Variants in PPP3CA observed in about 807,000 individuals in gnomAD.
The protein encoded by PPP3CA is protein phosphatase 3 catalytic subunit alpha, also known as CAM-PRP catalytic subunit.
In PPP3CA, 14 loss-of-function variants were observed where a neutral mutation model predicts 66.5. The ratio of observed to expected loss-of-function variants is 0.21; its 90% CI spans 0.14 to 0.33. The LOEUF (loss-of-function observed/expected upper bound fraction) is 0.33, where lower values mean the gene tolerates loss of function less well. Among genes scored for constraint, PPP3CA ranks in the 10% least tolerant of loss-of-function variants. The pLI is 1.00. For missense variants in PPP3CA, 317 were observed against 639.5 expected (o/e 0.50, Z 5.44); for synonymous variants, 232 against 226.2 (o/e 1.03, Z -0.23).
At chr4:101,206,907 A>G (rs1455969617) in intron 1 of PPP3CA, among the ~76,000 whole-genome samples, 1 of 152,226 alleles carries the variant, frequency 6.6e-6, no homozygotes, top group Non-Finnish European at 1.5e-5. Flanking sequence ...TAGTAAATGT[A>G]AATGTCTTTT....
At chr4:101,277,067 C>A (rs1727519275) in intron 1 of PPP3CA, among the ~76,000 whole-genome samples, 1 of 152,102 alleles carries the variant, frequency 6.6e-6, no homozygotes, top group Non-Finnish European at 1.5e-5. Flanking sequence ...CTCTTACTCC[C>A]CAGATCTACC....
intron 3 of PPP3CA, among the ~76,000 whole-genome samples, chr4:101,101,590 G>C (rs1049994000): frequency 6.6e-6 from 1 of 151,998 alleles, no homozygotes; most frequent in African/African-American, 2.4e-5. Flanking sequence ...ATATGCTGGG[G>C]GAGAGAATAC....
At chr4:101,153,486 C>T (rs1367252558) in intron 2 of PPP3CA, among the ~76,000 whole-genome samples, 2 of 152,164 alleles carry the variant, frequency 1.3e-5, no homozygotes, top group African/African-American at 4.8e-5. Flanking sequence ...ATTGTATAAA[C>T]ACTTGGTACA....
chr4:101,270,852 A>G (rs936738678), intron 1 of PPP3CA, among the ~76,000 whole-genome samples: 15 of 152,102 alleles, frequency 9.9e-5, no homozygotes, highest in Non-Finnish European at 1.5e-5. Flanking sequence ...TTGAACCCCA[A>G]AGTAGATTAA....
intron 1 of PPP3CA, among the ~76,000 whole-genome samples, chr4:101,213,976 G>C (rs1725382745): frequency 6.6e-6 from 1 of 152,170 alleles, no homozygotes; most frequent in Admixed American, 6.6e-5. Flanking sequence ...TGCCACAGAT[G>C]TAGGCGCTCC....
intron 10 of PPP3CA, 67 bp from the exon 11 acceptor site, chr4:101,040,633 T>G: frequency 7.5e-7 from 1 of 1,332,740 alleles, no homozygotes; most frequent in South Asian, 1.3e-5. Context: ...TTTACACATT[T>G]ACACATACAA....
At chr4:101,301,370 T>C (rs965442176) in intron 1 of PPP3CA, among the ~76,000 whole-genome samples, 7 of 149,830 alleles carry the variant, frequency 4.7e-5, no homozygotes, top group African/African-American at 1.2e-4. Context: ...CCCAATTCAA[T>C]TGATAATCCT....
chr4:101,347,516 G>C lies in PPP3CA; in HGVS notation c.-720C>G, dbSNP rs557095690. On this transcript the variant is annotated 5_prime_UTR_variant, in exon 1 of 14. Coordinates refer to ENST00000394854, the MANE Select transcript of PPP3CA (RefSeq NM_000944.5). ...CGCCGAGCTCGGCAGACACAGTCCC[G>C]GGCACAACCTACCCCCCTCCGCCGC... 5.5e-5 allele frequency: 9 copies of C among 164,940 alleles called. No individual in the cohort carries two copies. The highest frequency in any genetic ancestry group is 2.6e-4 in the Admixed American group (4 of 15,192). The allele number at this position is 164,940 out of a possible 1,614,324, so 10.2% of individuals were successfully genotyped here.
chr4:101,209,082 T>C (rs749397184), intron 1 of PPP3CA, among the ~76,000 whole-genome samples: 1 of 152,170 alleles, frequency 6.6e-6, no homozygotes, highest in South Asian at 2.1e-4. Context: ...AACTGTTCAA[T>C]AGCTCATGAT....
At chr4:101,157,729 C>T (rs994552143) in intron 2 of PPP3CA, among the ~76,000 whole-genome samples, 1 of 152,032 alleles carries the variant, frequency 6.6e-6, no homozygotes, top group Non-Finnish European at 1.5e-5. Flanking sequence ...TTGTTCAATG[C>T]TTTTTTTCTT....
At chr4:101,073,143 A>C (rs1487681643) in intron 8 of PPP3CA, among the ~76,000 whole-genome samples, 1 of 151,768 alleles carries the variant, frequency 6.6e-6, no homozygotes, top group African/African-American at 2.4e-5. Context: ...GATTTTTCTA[A>C]AAGCCAATCA....
chr4:101,248,883 G>A (rs1013477549), intron 1 of PPP3CA, among the ~76,000 whole-genome samples: 3 of 152,062 alleles, frequency 2.0e-5, no homozygotes, highest in East Asian at 1.9e-4. Context: ...ATTACTGGCC[G>A]GGCGCGGTGG....
At chr4:101,285,380 T>A (rs922822479) in intron 1 of PPP3CA, among the ~76,000 whole-genome samples, 1 of 151,964 alleles carries the variant, frequency 6.6e-6, no homozygotes. Context: ...TAGATTTACA[T>A]CTAATATCAC....
chr4:101,205,704 C>T (rs1725110713), intron 1 of PPP3CA, among the ~76,000 whole-genome samples: 1 of 152,170 alleles, frequency 6.6e-6, no homozygotes, highest in Non-Finnish European at 1.5e-5. Flanking sequence ...CTATAGGCAT[C>T]AAAATCATTT....
intron 2 of PPP3CA, among the ~76,000 whole-genome samples, chr4:101,134,555 A>G (rs1471961363): frequency 6.6e-6 from 1 of 152,210 alleles, no homozygotes; most frequent in Non-Finnish European, 1.5e-5. Context: ...TAGAATGGCC[A>G]TATCATTAAA....
chr4:101,217,473 T>C (rs945329889), intron 1 of PPP3CA, among the ~76,000 whole-genome samples: 4 of 152,142 alleles, frequency 2.6e-5, no homozygotes, highest in African/African-American at 9.7e-5. Context: ...TCTGTTTACA[T>C]GTTGAGTGAG....
At chr4:101,099,300 G>A (rs1308258688) in intron 4 of PPP3CA, among the ~76,000 whole-genome samples, 1 of 152,082 alleles carries the variant, frequency 6.6e-6, no homozygotes, top group African/African-American at 2.4e-5. Flanking sequence ...CGTTTTTTGA[G>A]TAATGTGAGA....
At chr4:101,188,487 C>T (rs1268463673) in intron 2 of PPP3CA, among the ~76,000 whole-genome samples, 3 of 151,870 alleles carry the variant, frequency 2.0e-5, no homozygotes, top group Admixed American at 6.6e-5. Context: ...CAGTATAATC[C>T]TACTTTTTCA....
At chr4:101,280,069 A>C (rs960907433) in intron 1 of PPP3CA, among the ~76,000 whole-genome samples, 2 of 152,342 alleles carry the variant, frequency 1.3e-5, no homozygotes, top group South Asian at 4.1e-4. Flanking sequence ...ACTATGGACC[A>C]GGCACTGTAG....
Sources: gnomAD v4.1 joint callset for allele counts (sites outside exome capture counted in the v4.1 genomes callset) on GRCh38, gnomAD v4.1.1 for gene constraint, MANE v1.5 for transcripts, NCBI Gene and HGNC (gene_info 2026-07-23, HGNC 2026-07-21) for gene names.